The following DHRSX variants were observed in gnomAD, a reference collection of about 807,000 sequenced individuals.
The protein encoded by DHRSX is polyprenol dehydrogenase.
Under a neutral mutation model 34.0 loss-of-function variants are expected in DHRSX, and 31 were observed. The observed-to-expected ratio is 0.91, with a 90% CI of 0.69 to 1.23. DHRSX has a LOEUF of 1.23. DHRSX is among the 50% of genes most tolerant of loss of function. DHRSX has a pLI of 0.00. For synonymous variants in DHRSX, 201 were observed against 183.8 expected (o/e 1.09, Z -0.76); for missense variants, 414 against 428.1 (o/e 0.97, Z 0.29).
At chrX:2,307,789 T>TAAAAAA (rs747096554) in intron 3 of DHRSX, among the ~76,000 whole-genome samples, 6 of 103,650 alleles carry the variant, frequency 5.8e-5, no homozygotes, top group East Asian at 2.3e-4. Flanking sequence ...GTAATAAAAA[T>TAAAAAA]AAAAAAAATA....
At chrX:2,250,589 A>C (rs771291635) in intron 5 of DHRSX, among the ~76,000 whole-genome samples, 1 of 152,214 alleles carries the variant, frequency 6.6e-6, no homozygotes, top group East Asian at 1.9e-4. Flanking sequence ...CTAATGCATT[A>C]GAATTAGCGT....
chrX:2,326,721 C>T (rs1304717428), intron 3 of DHRSX, among the ~76,000 whole-genome samples: 1 of 152,084 alleles, frequency 6.6e-6, no homozygotes, highest in Non-Finnish European at 1.5e-5. Flanking sequence ...ATGCCCAAAG[C>T]AATCCGTGTC....
At chrX:2,427,047 G>A (rs2043859329) in intron 1 of DHRSX, among the ~76,000 whole-genome samples, 1 of 152,190 alleles carries the variant, frequency 6.6e-6, no homozygotes, top group Non-Finnish European at 1.5e-5. Context: ...GATGTGTCTG[G>A]CAATAATGCA....
chrX:2,371,482 TCC>T (rs2043066379), intron 3 of DHRSX, among the ~76,000 whole-genome samples: 1 of 136,380 alleles, frequency 7.3e-6, no homozygotes, highest in Non-Finnish European at 1.6e-5. Context: ...TAGACCCTCC[TCC>T]TCCCGTTACC....
intron 1 of DHRSX, among the ~76,000 whole-genome samples, chrX:2,466,722 T>A (rs1367150682): frequency 6.6e-6 from 1 of 152,098 alleles, no homozygotes; most frequent in Admixed American, 6.5e-5. Context: ...ATCTGTTCAC[T>A]AAGCCCCCAA....
At chrX:2,297,364 C>G (rs2041946816) in intron 3 of DHRSX, among the ~76,000 whole-genome samples, 1 of 152,124 alleles carries the variant, frequency 6.6e-6, no homozygotes, top group African/African-American at 2.4e-5. Flanking sequence ...CTCAAGCGAT[C>G]CGCCCGCCTT....
intron 3 of DHRSX, among the ~76,000 whole-genome samples, chrX:2,365,971 T>C (rs941113470): frequency 1.3e-5 from 2 of 152,158 alleles, no homozygotes; most frequent in Non-Finnish European, 2.9e-5. Context: ...CCCCTCTCCC[T>C]GCCTGAAATG....
chrX:2,492,742 G>A (rs1415887383), intron 1 of DHRSX, among the ~76,000 whole-genome samples: 9 of 152,230 alleles, frequency 5.9e-5, no homozygotes, highest in African/African-American at 2.2e-4. Context: ...CAGGAGCTGG[G>A]AGAGGCAGGA....
intron 3 of DHRSX, chrX:2,392,236 A>C: frequency 6.4e-6 from 1 of 155,172 alleles, no homozygotes; most frequent in Non-Finnish European, 1.4e-5. Context: ...CTTCAATGGG[A>C]TTTAAATGCC....
At chrX:2,455,643 A>AT (rs988202692) in intron 1 of DHRSX, among the ~76,000 whole-genome samples, 86 of 148,172 alleles carry the variant, frequency 5.8e-4, no homozygotes, top group African/African-American at 2.0e-3. Flanking sequence ...TGACAGGCTG[A>AT]TGCGGGAGAA....
intron 3 of DHRSX, among the ~76,000 whole-genome samples, chrX:2,397,327 T>C (rs2043424559): frequency 6.6e-6 from 1 of 151,650 alleles, no homozygotes; most frequent in Admixed American, 6.6e-5. Context: ...AGAGACGGAG[T>C]CTCTCTACGC....
chrX:2,373,062 G>A (rs2043096623), intron 3 of DHRSX, among the ~76,000 whole-genome samples: 1 of 152,294 alleles, frequency 6.6e-6, no homozygotes, highest in Non-Finnish European at 1.5e-5. Context: ...GGGTTGGGGA[G>A]GCCTCACAAT....
rs772005439 is a variant in DHRSX at position 2,484,335 on chromosome X, C to T, written c.109+16482G>A. Among the ~76,000 whole-genome samples, 182 of 152,222 alleles carry T rather than the reference C, an allele frequency of 1.2e-3. 2 individuals are homozygous for T. Among genetic ancestry groups the T allele is most frequent in the African/African-American group, 4.1e-3 (169 of 41,538 alleles). ...TGAGAGACAGAGAATGCATGGTCCG[C>T]GGAGCCAAAAATATTTCCTCTCTGA... On this transcript the variant is annotated intron_variant, in intron 1 of 6. Coordinates refer to ENST00000334651, the MANE Select transcript of DHRSX (RefSeq NM_145177.3).
rs757849874 is a variant in DHRSX, at chrX:2,355,405, G to A, written c.286+53340C>T. On this transcript the variant is annotated intron_variant, in intron 3 of 6. Coordinates refer to ENST00000334651, the MANE Select transcript of DHRSX (RefSeq NM_145177.3). ...CGCATGCCTGTAGTCCCAGCTACTC[G>A]GGAGGCTGAGGTGGGACGATGTCTT... Among the ~76,000 whole-genome samples, 28 of 151,110 alleles carry A rather than the reference G, an allele frequency of 1.9e-4. No individual in the cohort carries two copies. In the South Asian group the frequency reaches 4.4e-3, roughly 24 times the overall value.
intron 4 of DHRSX, among the ~76,000 whole-genome samples, chrX:2,282,664 G>A (rs1167802700): frequency 1.4e-5 from 2 of 141,148 alleles, no homozygotes; most frequent in African/African-American, 5.4e-5. Context: ...GAGAGAGAAT[G>A]GGAGAAAAGG....
chrX:2,349,564 G>A (rs1264363651), intron 3 of DHRSX, among the ~76,000 whole-genome samples: 2 of 148,938 alleles, frequency 1.3e-5, no homozygotes, highest in African/African-American at 2.6e-5. Flanking sequence ...GCAGGCACCT[G>A]TAATCTCAGC....
intron 3 of DHRSX, among the ~76,000 whole-genome samples, chrX:2,320,245 C>T (rs1427977104): frequency 9.3e-5 from 13 of 139,468 alleles, no homozygotes; most frequent in African/African-American, 3.4e-4. Flanking sequence ...GTTGTGGTAG[C>T]GATCATATGA....
rs868116444 is a variant in DHRSX at position 2,276,966 on chromosome X, A to G, written c.389-10019T>C. ...AACGAGAGAGGGAGAGAGAAGGAAG[A>G]GGAGGAAATGGGGGAAGAGAGAGAA... On this transcript the variant is annotated intron_variant, in intron 4 of 6. Coordinates refer to ENST00000334651, the MANE Select transcript of DHRSX (RefSeq NM_145177.3). Among the ~76,000 whole-genome samples the G allele has an allele frequency of 2.3e-3, 15 of 6,444 alleles. 2 individuals carry two copies. Among genetic ancestry groups the G allele is most frequent in the African/African-American group, 0.016 (14 of 868 alleles). 4.2% of individuals were successfully genotyped at this position (6,444 alleles called of 152,430 possible).
At chrX:2,388,763 G>A (rs1448000454) in intron 3 of DHRSX, among the ~76,000 whole-genome samples, 2 of 151,852 alleles carry the variant, frequency 1.3e-5, no homozygotes, top group African/African-American at 4.8e-5. Context: ...GGAGGAATCA[G>A]CCTTGCCCAT....
Sources: allele counts gnomAD v4.1 joint callset (sites outside exome capture counted in the v4.1 genomes callset), GRCh38; gene constraint gnomAD v4.1.1; transcripts MANE v1.5; gene names NCBI Gene and HGNC (gene_info 2026-07-23, HGNC 2026-07-21).